Variants in CHMP4C observed in about 807,000 individuals in gnomAD.
CHMP4C encodes SNF7 homolog associated with Alix 3.
In CHMP4C, 28 loss-of-function variants were observed where a neutral mutation model predicts 29.0. That is an observed-to-expected ratio of 0.97 (90% CI 0.72 to 1.32). The LOEUF is 1.32. Among genes scored for constraint, CHMP4C ranks in the 40% most tolerant of loss-of-function variants. The pLI is 0.00. For missense variants in CHMP4C, 291 were observed against 281.0 expected (o/e 1.04, Z -0.25); for synonymous variants, 106 against 102.4 (o/e 1.04, Z -0.21).
intron 1 of CHMP4C, among the ~76,000 whole-genome samples, chr8:81,734,584 C>A (rs1483172559): frequency 6.6e-6 from 1 of 152,142 alleles, no homozygotes; most frequent in Non-Finnish European, 1.5e-5. Flanking sequence ...CCTGCCTTGG[C>A]CTCCCAAAGG....
Position 81,758,172 on chromosome 8 carries a change from G to A in CHMP4C, c.514G>A (p.Glu172Lys). 3 of 1,613,842 alleles carry A rather than the reference G, an allele frequency of 1.9e-6. No homozygotes were observed. Among genetic ancestry groups the A allele is most frequent in the South Asian group, 1.1e-5 (1 of 91,066 alleles). Residue 172 changes from glutamate to lysine, a missense_variant, in exon 4 of 5, where the codon GAA (glutamate) becomes AAA (lysine). Glu to Lys is a moderately conservative substitution (Grantham distance 56). Transcript: ENST00000297265. ...GTTGATGGCAGAACTTGAAGAATTG[G>A]AACAGGAGGAATTAAATAAGAAGAT... ...DELMAELEELEQEELNKKMTN... is the reference protein window; with the variant it reads ...DELMAELEELKQEELNKKMTN...
chr8:81,754,953 C>T (rs971021059), intron 2 of CHMP4C, among the ~76,000 whole-genome samples: 3 of 151,992 alleles, frequency 2.0e-5, no homozygotes, highest in African/African-American at 4.8e-5. Context: ...AACAAAGGGC[C>T]GCTGTCAGAT....
intron 1 of CHMP4C, among the ~76,000 whole-genome samples, chr8:81,739,426 G>GT (rs1554592479): frequency 7.2e-6 from 1 of 138,172 alleles, no homozygotes; most frequent in Non-Finnish European, 1.6e-5. Flanking sequence ...TGTGGGGGGG[G>GT]GTGGAAAAAA....
At chr8:81,742,351 C>T (rs1418009753) in intron 1 of CHMP4C, among the ~76,000 whole-genome samples, 2 of 152,132 alleles carry the variant, frequency 1.3e-5, no homozygotes, top group Non-Finnish European at 2.9e-5. Flanking sequence ...GAAAATAGGT[C>T]ATTCTCTGTT....
chr8:81,751,453 G>A (rs143270068), intron 1 of CHMP4C, among the ~76,000 whole-genome samples: 5 of 152,160 alleles, frequency 3.3e-5, no homozygotes, highest in African/African-American at 1.2e-4. Context: ...TTTGGAGTGG[G>A]AAGGGAATCT....
chr8:81,740,006 A>G (rs558572389), intron 1 of CHMP4C, among the ~76,000 whole-genome samples: 12 of 152,328 alleles, frequency 7.9e-5, no homozygotes, highest in African/African-American at 1.2e-4. Flanking sequence ...TAGAATTAAG[A>G]TTTTAATTCC....
chr8:81,756,889 T>C (rs1464798580), intron 3 of CHMP4C, among the ~76,000 whole-genome samples: 2 of 152,144 alleles, frequency 1.3e-5, no homozygotes, highest in Non-Finnish European at 2.9e-5. Context: ...ATTTTAGTCA[T>C]ATAGCCTGTG....
At chr8:81,736,128 TAA>T (rs1808687767) in intron 1 of CHMP4C, among the ~76,000 whole-genome samples, 1 of 142,598 alleles carries the variant, frequency 7.0e-6, no homozygotes, top group South Asian at 2.2e-4. Flanking sequence ...AATAAATAAA[TAA>T]ATAAATAAAT....
At chr8:81,741,372 A>G (rs1808760091) in intron 1 of CHMP4C, among the ~76,000 whole-genome samples, 1 of 152,198 alleles carries the variant, frequency 6.6e-6, no homozygotes, top group Admixed American at 6.5e-5. Context: ...TACTAACACC[A>G]TGATTATGCC....
intron 3 of CHMP4C, 107 bp from the exon 4 acceptor site, chr8:81,758,035 T>C: frequency 5.3e-6 from 5 of 943,302 alleles, no homozygotes; most frequent in Non-Finnish European, 8.1e-6. Flanking sequence ...TCCATTTCAC[T>C]GGGTTCTCAC....
rs1808634627 is a variant in CHMP4C, at chr8:81,732,770, G to T, written c.144G>T (p.Gln48His). ...AAGAGTACCTGGAAAATCGAATCCAGAGAGAAATCGCCCTGGCCAAGAAGC... is the reference window on the plus strand; with the variant it reads ...AAGAGTACCTGGAAAATCGAATCCATAGAGAAATCGCCCTGGCCAAGAAGC... ...KKQEYLENRI[Q>H]REIALAKKHG... The change falls in exon 1 of 5, where the codon CAG becomes CAT. Residue 48 changes from glutamine (Q) to histidine (H), a missense_variant. Transcript: ENST00000297265. 6.2e-7 allele frequency: 1 copy of T among 1,611,896 alleles called. No homozygotes were observed. The highest frequency in any genetic ancestry group is 1.7e-5 in the Admixed American group (1 of 59,674).
rs923333085 is a variant in CHMP4C, at chr8:81,758,270, G to A, written c.612G>A (p.Ser204=). 6.2e-6 allele frequency: 10 copies of A among 1,613,812 alleles called. No homozygotes were observed. Among genetic ancestry groups the A allele is most frequent in the African/African-American group, 1.3e-5 (1 of 74,886 alleles). Residue 204 remains serine (S), a synonymous_variant, in exon 4 of 5, where the codon TCG becomes TCA. Transcript: ENST00000297265. ...PAQPNRKPGM[S]STARRSRAAS... ...AGCCAAATAGAAAACCAGGCATGTC[G>A]TCCACTGCACGTCGATCCCGAGCAG...
At position 81,741,441 on chromosome 8, in the gene CHMP4C, C is replaced by G. The variant is rs188439634; in HGVS notation, c.190+8625C>G. ...ATGGCAAGAGAGTACTGTGAGCTTA[C>G]CTACAGATGTGCTTAGTACTACTAG... is the stretch of plus-strand genomic sequence containing the variant. On this transcript the variant is annotated intron_variant, in intron 1 of 4. Coordinates refer to ENST00000297265, the MANE Select transcript of CHMP4C (RefSeq NM_152284.4). 1.0e-3 allele frequency among the ~76,000 whole-genome samples: 156 copies of G among 152,232 alleles called. 2 individuals are homozygous for G. The highest frequency in any genetic ancestry group is 3.6e-3 in the African/African-American group (148 of 41,560).
chr8:81,747,687 G>A (rs941308972), intron 1 of CHMP4C, among the ~76,000 whole-genome samples: 38 of 152,134 alleles, frequency 2.5e-4, no homozygotes, highest in Admixed American at 7.2e-4. Flanking sequence ...GTACAAAAGA[G>A]AGAAATTTTA....
At chr8:81,746,867 C>T (rs761899396) in intron 1 of CHMP4C, among the ~76,000 whole-genome samples, 6 of 152,114 alleles carry the variant, frequency 3.9e-5, no homozygotes, top group Non-Finnish European at 7.4e-5. Flanking sequence ...GTTCTGACAA[C>T]CTACAAAGGA....
intron 1 of CHMP4C, among the ~76,000 whole-genome samples, chr8:81,743,142 G>T (rs530197389): frequency 9.9e-5 from 15 of 151,936 alleles, no homozygotes; most frequent in Non-Finnish European, 2.1e-4. Context: ...TGAACTTCAC[G>T]TGTTAGAGCA....
chr8:81,741,064 G>A (rs1808756943), intron 1 of CHMP4C, among the ~76,000 whole-genome samples: 1 of 152,164 alleles, frequency 6.6e-6, no homozygotes, highest in Non-Finnish European at 1.5e-5. Flanking sequence ...TTTTGTTCTA[G>A]AATTTTGCTT....
At chr8:81,736,776 T>C (rs73694766) in intron 1 of CHMP4C, among the ~76,000 whole-genome samples, 2,596 of 152,316 alleles carry the variant, frequency 0.017, 76 homozygotes, top group African/African-American at 0.057. Flanking sequence ...ATTGAGCTCA[T>C]GGGACAGGTT....
chr8:81,734,520 GGGTTTCTCCAT>G (rs1320030849), intron 1 of CHMP4C, among the ~76,000 whole-genome samples: 1 of 152,170 alleles, frequency 6.6e-6, no homozygotes, highest in East Asian at 1.9e-4. Context: ...AATAGAGACA[GGGTTTCTCCAT>G]GTTGGTAAGA....
Sources: gnomAD v4.1 joint callset for allele counts (sites outside exome capture counted in the v4.1 genomes callset) on GRCh38, gnomAD v4.1.1 for gene constraint, MANE v1.5 for transcripts, NCBI Gene and HGNC (gene_info 2026-07-23, HGNC 2026-07-21) for gene names.